TECTB: variants seen among roughly 807,000 people sequenced by gnomAD.
TECTB encodes the protein tectorin beta.
In TECTB, 45 loss-of-function variants were observed where a neutral mutation model predicts 43.3. That is an observed-to-expected ratio of 1.04 (90% confidence interval 0.82 to 1.33). The LOEUF is 1.33. Among genes scored for constraint, TECTB ranks in the 40% most tolerant of loss-of-function variants. The pLI is 0.00. For missense variants in TECTB, 399 were observed against 404.7 expected (o/e 0.99, Z 0.12); for synonymous variants, 169 against 156.7 (o/e 1.08, Z -0.59).
intron 7 of TECTB, among the ~76,000 whole-genome samples, chr10:112,296,649 C>T (rs927456788): frequency 2.0e-5 from 3 of 152,172 alleles, no homozygotes; most frequent in Non-Finnish European, 4.4e-5. Flanking sequence ...CACACAGACC[C>T]GGCTCTGACC....
Position 112,304,252 on chromosome 10 carries a change from A to G in TECTB, c.*940A>G, listed in dbSNP as rs1848634654. On this transcript the variant is annotated 3_prime_UTR_variant, in exon 11 of 11. Transcript: ENST00000646139. ...CTATTTGCTCTACTAAGAAGTTTTC[A>G]TTTATAAGAAATGGTCTGATCTCAT... 6.6e-6 allele frequency: 1 copy of G among 152,222 alleles called. No individual in the cohort carries two copies. 9.4% of individuals were successfully genotyped at this position (152,222 alleles called of 1,614,324 possible).
At chr10:112,285,952 AGACATTTCTG>A in intron 3 of TECTB, 109 bp from the exon 4 acceptor site, 3 of 1,312,512 alleles carry the variant, frequency 2.3e-6, no homozygotes, top group Non-Finnish European at 2.1e-6. Flanking sequence ...CGTCAGTGGC[AGACATTTCTG>A]TCTCCCCACT....
At chr10:112,300,291 GA>G (rs1404203530) in intron 9 of TECTB, among the ~76,000 whole-genome samples, 1 of 76,662 alleles carries the variant, frequency 1.3e-5, no homozygotes, top group African/African-American at 6.2e-5. Context: ...AAGAAAGAAA[GA>G]AAGAAAGAAA....
At chr10:112,286,587 T>C (rs1448494323) in intron 5 of TECTB, among the ~76,000 whole-genome samples, 196 bp downstream of exon 5, 1 of 152,154 alleles carries the variant, frequency 6.6e-6, no homozygotes, top group Non-Finnish European at 1.5e-5. Flanking sequence ...ATTCATAGAC[T>C]GGATAGAAGA....
At position 112,283,822 on chromosome 10, in the gene TECTB, C is replaced by T. The variant is rs1175359394; in HGVS notation, c.76+12C>T. ...TCCAAATAAAGCAGGTATGTCCTCG[C>T]CAAGTCCATTTTCCTGGGACGAAAA... On this transcript the variant is annotated intron_variant, in intron 2 of 10. Coordinates refer to ENST00000646139, the MANE Select transcript of TECTB (RefSeq NM_058222.3). 4 of 1,612,608 alleles carry T rather than the reference C, an allele frequency of 2.5e-6. No individual in the cohort carries two copies. The highest frequency in any genetic ancestry group is 3.4e-6 in the Non-Finnish European group (4 of 1,179,460).
At chr10:112,293,433 T>A (rs929609906) in intron 5 of TECTB, among the ~76,000 whole-genome samples, 1 of 152,234 alleles carries the variant, frequency 6.6e-6, no homozygotes, top group Middle Eastern at 3.2e-3. Flanking sequence ...TGCCTTAATA[T>A]CCCTGAATTT....
At chr10:112,292,197 G>A (rs963470844) in intron 5 of TECTB, among the ~76,000 whole-genome samples, 2 of 151,974 alleles carry the variant, frequency 1.3e-5, no homozygotes, top group African/African-American at 4.8e-5. Context: ...TTGTTACTAG[G>A]GTTGAATGAA....
At position 112,283,634 on chromosome 10, in the gene TECTB, T is replaced by G; in HGVS notation, c.-87-14T>G. ...TCCCTTGATTTTAACTTTTCATTCA[T>G]GTTTCTGACTTAGAATGATCGAGGC... On this transcript the variant is annotated splice_polypyrimidine_tract_variant and intron_variant, in intron 1 of 10. Transcript: ENST00000646139. 9.4e-7 allele frequency: 1 copy of G among 1,058,860 alleles called. No individual in the cohort carries two copies. Among genetic ancestry groups the G allele is most frequent in the Non-Finnish European group, 1.4e-6 (1 of 722,450 alleles). 65.6% of individuals were successfully genotyped at this position (1,058,860 alleles called of 1,614,324 possible). A position where few individuals can be genotyped will look rare whatever the true frequency, so the allele number is the denominator to read the frequency against.
Position 112,293,736 on chromosome 10 carries a change from A to G in TECTB, c.484-2A>G, listed in dbSNP as rs754562299. ...ATGCCCAGTGTCAATTTCCTTCCAAAGAATGCCAAGTTCTCCATCAAGAAA... is the reference window on the plus strand; with the variant it reads ...ATGCCCAGTGTCAATTTCCTTCCAAGGAATGCCAAGTTCTCCATCAAGAAA... On this transcript the variant is annotated splice_acceptor_variant, in intron 5 of 10. Transcript: ENST00000646139. LOFTEE classifies it high-confidence loss of function. 6.2e-7 allele frequency: 1 copy of G among 1,613,896 alleles called. No homozygotes were observed. Among genetic ancestry groups the G allele is most frequent in the East Asian group, 2.2e-5 (1 of 44,882 alleles).
At chr10:112,300,838 T>C (rs1047932880) in intron 9 of TECTB, among the ~76,000 whole-genome samples, 1 of 152,250 alleles carries the variant, frequency 6.6e-6, no homozygotes, top group Non-Finnish European at 1.5e-5. Context: ...GGGATATTCA[T>C]CCTGAATGGA....
At chr10:112,295,625 A>G (rs1848538906) in intron 7 of TECTB, among the ~76,000 whole-genome samples, 1 of 152,238 alleles carries the variant, frequency 6.6e-6, no homozygotes, top group African/African-American at 2.4e-5. Flanking sequence ...TGAATGATTC[A>G]ATTCATTCAG....
At chr10:112,284,797 T>C in intron 3 of TECTB, 72 bp downstream of exon 3, 1 of 1,324,968 alleles carries the variant, frequency 7.5e-7, no homozygotes, top group Admixed American at 3.0e-5. Context: ...ATGTCTGCCA[T>C]CTGTCCTTGA....
chr10:112,295,292 CACTT>C (rs1428067316), intron 7 of TECTB, among the ~76,000 whole-genome samples: 2 of 152,200 alleles, frequency 1.3e-5, no homozygotes, highest in Middle Eastern at 3.2e-3. Flanking sequence ...ATTTAGCAAA[CACTT>C]ATACAGCTCT....
Position 112,304,074 on chromosome 10 carries a change from C to T in TECTB, c.*762C>T, listed in dbSNP as rs894354769. On this transcript the variant is annotated 3_prime_UTR_variant, in exon 11 of 11. Coordinates refer to ENST00000646139, the MANE Select transcript of TECTB (RefSeq NM_058222.3). ...AAGAATAATCACAAGAAGAATACAACTCACATTAATTTAACCTAATAACAC... is the reference window on the plus strand; with the variant it reads ...AAGAATAATCACAAGAAGAATACAATTCACATTAATTTAACCTAATAACAC... The T allele has an allele frequency of 6.6e-6, 1 of 151,994 alleles. No individual in the cohort carries two copies. The allele number at this position is 151,994 out of a possible 1,614,324, so 9.4% of individuals were successfully genotyped here. A position where few individuals can be genotyped will look rare whatever the true frequency, so the allele number is the denominator to read the frequency against.
intron 9 of TECTB, chr10:112,299,771 G>A (rs2133357419): frequency 1.8e-6 from 1 of 563,234 alleles, no homozygotes; most frequent in East Asian, 2.8e-5. Context: ...TATCTACTCT[G>A]AAAGTTCTAA....
At chr10:112,296,544 C>G (rs1016621824) in intron 7 of TECTB, among the ~76,000 whole-genome samples, 5 of 152,226 alleles carry the variant, frequency 3.3e-5, no homozygotes, top group Admixed American at 3.3e-4. Flanking sequence ...TGAGTTCATA[C>G]GAGGATCTCG....
In TECTB at chr10:112,300,959, C is replaced by T. The variant is rs1009346204; in HGVS notation, c.908-1142C>T. ...AGGGTGGGCAAAACCTGTGGGAAGG[C>T]GGGAAGCTGTAGCGGCTCTATCTTA... On this transcript the variant is annotated intron_variant, in intron 9 of 10. Transcript: ENST00000646139. Among the ~76,000 whole-genome samples, 11 of 152,284 alleles carry T rather than the reference C, an allele frequency of 7.2e-5. No individual in the cohort carries two copies. The Middle Eastern group carries it at 0.01, about 141-fold the overall frequency.
intron 5 of TECTB, among the ~76,000 whole-genome samples, chr10:112,289,074 T>C (rs779795639): frequency 6.6e-6 from 1 of 152,182 alleles, no homozygotes. Context: ...GGGATAATAA[T>C]AGCACTTACC....
In TECTB at chr10:112,284,088, T is replaced by A. The variant is rs111739442; in HGVS notation, c.76+278T>A. 3.9e-3 allele frequency among the ~76,000 whole-genome samples: 592 copies of A among 152,284 alleles called. 3 individuals carry two copies. Among genetic ancestry groups the A allele is most frequent in the Middle Eastern group, 0.02 (6 of 294 alleles). On this transcript the variant is annotated intron_variant, in intron 2 of 10. Transcript: ENST00000646139. Reference sequence around the variant, plus strand: ...CCCCACATCCCATTATATATATATATAAAACATCTCCACTTTTTTTTCCAT... The same window carrying A: ...CCCCACATCCCATTATATATATATAAAAAACATCTCCACTTTTTTTTCCAT...
Sources: allele counts gnomAD v4.1 joint callset (sites outside exome capture counted in the v4.1 genomes callset), GRCh38; gene constraint gnomAD v4.1.1; transcripts MANE v1.5; gene names NCBI Gene and HGNC (gene_info 2026-07-23, HGNC 2026-07-21).